Variants in DNAAF9 observed in about 807,000 individuals in gnomAD.
The protein encoded by DNAAF9 is shulin.
In DNAAF9, 90 loss-of-function variants were observed where a neutral mutation model predicts 167.0. The observed-to-expected ratio is 0.54, with a 90% CI of 0.45 to 0.64. The LOEUF (loss-of-function observed/expected upper bound fraction) is 0.64, where lower values mean the gene tolerates loss of function less well. Among genes scored for constraint, DNAAF9 ranks in the 30% least tolerant of loss-of-function variants. DNAAF9 has a pLI of 0.00. For synonymous variants in DNAAF9, 491 were observed against 508.8 expected, an observed-to-expected ratio of 0.96 and a Z score of 0.47; for missense variants, 1,315 against 1,442.2, an observed-to-expected ratio of 0.91 and a Z score of 1.43.
Position 3,393,955 on chromosome 20 carries a change from T to C in DNAAF9, c.84-11449A>G, listed in dbSNP as rs574401070. 2.1e-4 allele frequency among the ~76,000 whole-genome samples: 32 copies of C among 152,234 alleles called. 1 individual carries two copies. The highest frequency in any genetic ancestry group is 4.3e-4 in the Non-Finnish European group (29 of 68,038). ...TTTATTGATTATCTACATTTCTTTT[T>C]CTATGAGTGCATACTCATATTCTTT... is the stretch of plus-strand genomic sequence containing the variant. On this transcript the variant is annotated intron_variant, in intron 1 of 36. Coordinates refer to ENST00000252032, the MANE Select transcript of DNAAF9 (RefSeq NM_001009984.3).
Position 3,315,741 on chromosome 20 carries a change from T to G in DNAAF9, c.1584A>C (p.Ala528=). The change falls in exon 19 of 37, where the codon GCA becomes GCC. Residue 528 remains alanine (A), a synonymous_variant. Transcript: ENST00000252032. This position sits in a 1 kb window ranked among gnomAD's most constrained non-coding sequence, Gnocchi z 4.1. ...GAATAAGAAGGCTGCTTACCCTCAC[T>G]GCTTGCTGGGTTTTCTCAGACAATT... The part of the protein sequence containing the change: ...EVKLSEKTQQ[A]VRGDESFLGT... 6.2e-7 allele frequency: 1 copy of G among 1,613,128 alleles called. No individual in the cohort carries two copies. Among genetic ancestry groups the G allele is most frequent in the South Asian group, 1.1e-5 (1 of 91,058 alleles).
chr20:3,342,831 C>CA (rs1406999313), intron 9 of DNAAF9, among the ~76,000 whole-genome samples: 3 of 152,128 alleles, frequency 2.0e-5, no homozygotes, highest in African/African-American at 7.2e-5. Flanking sequence ...CTGATCATGA[C>CA]AAAAGAGATG....
chr20:3,348,671 T>A (rs1165504463), intron 7 of DNAAF9, 48 bp from the exon 8 acceptor site: 1 of 1,158,236 alleles, frequency 8.6e-7, no homozygotes, highest in South Asian at 1.5e-5. Flanking sequence ...ATAAAGGAGG[T>A]ATTTTAGAAA....
At chr20:3,335,700 T>C (rs1203163665) in intron 10 of DNAAF9, among the ~76,000 whole-genome samples, 2 of 136,272 alleles carry the variant, frequency 1.5e-5, no homozygotes, top group Admixed American at 1.7e-4. Flanking sequence ...GAGGTTGCAG[T>C]GAGCCGAGAT....
chr20:3,352,706 G>GCTTATTATCAGAC (rs2070347775), intron 7 of DNAAF9, among the ~76,000 whole-genome samples: 1 of 152,082 alleles, frequency 6.6e-6, no homozygotes, highest in Admixed American at 6.6e-5. Context: ...TGTATCAAGT[G>GCTTATTATCAGAC]CTTATTATCA....
chr20:3,343,136 T>G (rs920617295), intron 9 of DNAAF9, among the ~76,000 whole-genome samples: 3 of 152,214 alleles, frequency 2.0e-5, no homozygotes, highest in Admixed American at 6.5e-5. Flanking sequence ...AAAAATTCCT[T>G]TCTTTAGATT....
intron 1 of DNAAF9, among the ~76,000 whole-genome samples, chr20:3,403,171 C>G (rs2084012529): frequency 1.3e-5 from 2 of 152,208 alleles, no homozygotes; most frequent in Non-Finnish European, 1.5e-5. Context: ...TTCAGCTATT[C>G]CCTTCCACAT....
At chr20:3,288,232 C>G (rs2068885594) in intron 26 of DNAAF9, among the ~76,000 whole-genome samples, 1 of 152,186 alleles carries the variant, frequency 6.6e-6, no homozygotes, top group African/African-American at 2.4e-5. Context: ...GGCGGATCAC[C>G]TGAAGTCGGG....
chr20:3,319,967 G>T (rs1487705411), intron 16 of DNAAF9, among the ~76,000 whole-genome samples: 6 of 152,236 alleles, frequency 3.9e-5, no homozygotes, highest in African/African-American at 1.4e-4. Context: ...CTATGTCTTT[G>T]GTTCCCAGAC....
intron 23 of DNAAF9, among the ~76,000 whole-genome samples, chr20:3,295,241 C>T (rs572178277): frequency 6.6e-6 from 1 of 151,832 alleles, no homozygotes. Flanking sequence ...GGCACGATCT[C>T]GGCTCATTGC....
chr20:3,330,806 T>A (rs1478562256), intron 11 of DNAAF9, 124 bp from the exon 12 acceptor site: 6 of 617,062 alleles, frequency 9.7e-6, no homozygotes, highest in Non-Finnish European at 1.1e-5. Flanking sequence ...TTTTTTTTTT[T>A]TTTGAGACAC....
intron 20 of DNAAF9, among the ~76,000 whole-genome samples, chr20:3,307,695 C>T (rs891141493): frequency 6.6e-6 from 1 of 152,104 alleles, no homozygotes; most frequent in African/African-American, 2.4e-5. Context: ...ACCAGGAGGA[C>T]TGCAGTTTGG....
chr20:3,293,666 CA>C (rs71195830), intron 25 of DNAAF9, among the ~76,000 whole-genome samples: 26,028 of 85,518 alleles, frequency 0.3, 2,357 homozygotes, highest in East Asian at 0.46. Context: ...GCCTGGGTGA[CA>C]AAAAAAAAAA....
rs1032392388 is a variant in DNAAF9, at chr20:3,269,005, G to A, written c.2786+1422C>T. Among the ~76,000 whole-genome samples the A allele has an allele frequency of 8.3e-5, 12 of 145,114 alleles. No individual in the cohort carries two copies. In the East Asian group the frequency reaches 2.1e-3, roughly 26 times the overall value. On this transcript the variant is annotated intron_variant, in intron 30 of 36. Coordinates refer to ENST00000252032, the MANE Select transcript of DNAAF9 (RefSeq NM_001009984.3). Reference sequence around the variant, plus strand: ...TGCAAGCTCTGCCTCCCAGGTTCACGCCGTTCTCCTCCCTCAGCCTCCCAA... The same window carrying A: ...TGCAAGCTCTGCCTCCCAGGTTCACACCGTTCTCCTCCCTCAGCCTCCCAA...
At chr20:3,337,533 G>A (rs546966758) in intron 10 of DNAAF9, among the ~76,000 whole-genome samples, 1 of 147,700 alleles carries the variant, frequency 6.8e-6, no homozygotes, top group African/African-American at 2.5e-5. Flanking sequence ...GTATTTTTAT[G>A]ATGGTTGCTC....
chr20:3,351,732 CT>C (rs1304470153), intron 7 of DNAAF9, among the ~76,000 whole-genome samples: 1 of 152,098 alleles, frequency 6.6e-6, no homozygotes, highest in Non-Finnish European at 1.5e-5. Flanking sequence ...TAGTGTTATT[CT>C]TGTGGGAAGA....
intron 20 of DNAAF9, among the ~76,000 whole-genome samples, chr20:3,308,827 AAATT>A (rs1418634660): frequency 6.6e-6 from 1 of 151,968 alleles, no homozygotes; most frequent in Non-Finnish European, 1.5e-5. Context: ...AAAAAAAAAA[AAATT>A]AGCCAGGTGT....
intron 12 of DNAAF9, 38 bp downstream of exon 12, chr20:3,330,608 C>CA: frequency 7.3e-7 from 1 of 1,364,826 alleles, no homozygotes; most frequent in Non-Finnish European, 1.0e-6. Context: ...CTGAGTAACT[C>CA]AACTTTGAGA....
At chr20:3,332,921 GT>G (rs1458318406) in intron 10 of DNAAF9, among the ~76,000 whole-genome samples, 1 of 151,608 alleles carries the variant, frequency 6.6e-6, no homozygotes. Flanking sequence ...GTGTGTGTGT[GT>G]GTGTGTGTGT....
Sources: allele counts gnomAD v4.1 joint callset (sites outside exome capture counted in the v4.1 genomes callset), GRCh38; gene constraint gnomAD v4.1.1; non-coding constraint Gnocchi (gnomAD v3.1); transcripts MANE v1.5; gene names NCBI Gene and HGNC (gene_info 2026-07-23, HGNC 2026-07-21).